The following CACNA2D3 variants were observed in gnomAD, a reference collection of about 807,000 sequenced individuals.
The protein encoded by CACNA2D3 is voltage-dependent calcium channel subunit alpha-2/delta-3.
A neutral mutation model predicts 160.6 loss-of-function variants in CACNA2D3; 60 were observed. The observed-to-expected ratio is 0.37, with a 90% CI of 0.30 to 0.46. CACNA2D3 has a LOEUF of 0.46. Among genes scored for constraint, CACNA2D3 ranks in the 20% least tolerant of loss-of-function variants. The probability of loss-of-function intolerance (pLI) is 1.00; values close to 1 mark genes in which losing one functional copy is unlikely to be tolerated. For missense variants in CACNA2D3, 1,205 were observed against 1,365.0 expected (o/e 0.88, Z 1.85); for synonymous variants, 558 against 492.9 (o/e 1.13, Z -1.75).
chr3:54,821,780 A>G (rs1703609706), intron 14 of CACNA2D3, among the ~76,000 whole-genome samples: 1 of 148,238 alleles, frequency 6.7e-6, no homozygotes, highest in South Asian at 2.1e-4. Context: ...AATTTGTACA[A>G]GTAGAATTTG....
rs151032152 is a variant in CACNA2D3, at chr3:54,484,601, G to A, written c.382-18891G>A. 1.2e-3 allele frequency among the ~76,000 whole-genome samples: 179 copies of A among 152,270 alleles called. 5 individuals are homozygous for A. The East Asian group carries it at 0.031, about 26-fold the overall frequency. On this transcript the variant is annotated intron_variant, in intron 4 of 37. Transcript: ENST00000474759. ...ATCACCGGGGCAACTGGACCACTGCGATATTAAGTGTGAGAACATTCTAAA... is the reference window on the plus strand; with the variant it reads ...ATCACCGGGGCAACTGGACCACTGCAATATTAAGTGTGAGAACATTCTAAA...
chr3:54,513,717 G>A (rs1245561599), intron 5 of CACNA2D3, among the ~76,000 whole-genome samples: 3 of 152,146 alleles, frequency 2.0e-5, no homozygotes, highest in East Asian at 3.9e-4. Flanking sequence ...GTATCACTCT[G>A]TCACCCAGGC....
At chr3:54,824,406 G>A (rs1013304108) in intron 14 of CACNA2D3, among the ~76,000 whole-genome samples, 2 of 152,166 alleles carry the variant, frequency 1.3e-5, no homozygotes, top group Non-Finnish European at 2.9e-5. Flanking sequence ...GACTACCTTG[G>A]CTTAAAAATG....
At chr3:54,663,631 G>GC in intron 11 of CACNA2D3, among the ~76,000 whole-genome samples, 1 of 152,348 alleles carries the variant, frequency 6.6e-6, no homozygotes, top group Non-Finnish European at 1.5e-5. Context: ...TATGATTTAT[G>GC]CCCCCTGTGA....
At chr3:54,804,753 T>C (rs555079057) in intron 13 of CACNA2D3, among the ~76,000 whole-genome samples, 2 of 152,334 alleles carry the variant, frequency 1.3e-5, no homozygotes, top group East Asian at 3.9e-4. Context: ...CATACATTTT[T>C]TGCAGCACCA....
intron 2 of CACNA2D3, among the ~76,000 whole-genome samples, chr3:54,279,064 C>T (rs1220176116): frequency 1.3e-5 from 2 of 152,148 alleles, no homozygotes; most frequent in African/African-American, 4.8e-5. Context: ...ACGGATCCTG[C>T]GACGATACCT....
At chr3:54,966,188 G>T (rs942347681) in intron 27 of CACNA2D3, among the ~76,000 whole-genome samples, 3 of 152,074 alleles carry the variant, frequency 2.0e-5, no homozygotes, top group African/African-American at 7.2e-5. Flanking sequence ...GAGATGACAG[G>T]TGGGCCCAGG....
intron 2 of CACNA2D3, among the ~76,000 whole-genome samples, chr3:54,213,364 A>G (rs1212583691): frequency 6.6e-6 from 1 of 152,068 alleles, no homozygotes; most frequent in African/African-American, 2.4e-5. Flanking sequence ...GTGGCTATTC[A>G]CCAGTATGGC....
At chr3:54,827,858 G>A (rs1004900813) in intron 14 of CACNA2D3, among the ~76,000 whole-genome samples, 7 of 152,164 alleles carry the variant, frequency 4.6e-5, no homozygotes, top group African/African-American at 1.4e-4. Flanking sequence ...TGTGTACCAG[G>A]CTCTGTGCTA....
At chr3:54,176,583 T>C (rs887041598) in intron 2 of CACNA2D3, among the ~76,000 whole-genome samples, 1 of 152,224 alleles carries the variant, frequency 6.6e-6, no homozygotes, top group Non-Finnish European at 1.5e-5. Flanking sequence ...AGCCTTAAAA[T>C]CTGTTTCCCA....
intron 11 of CACNA2D3, among the ~76,000 whole-genome samples, chr3:54,699,897 T>G (rs958519158): frequency 6.6e-6 from 1 of 152,212 alleles, no homozygotes; most frequent in African/African-American, 2.4e-5. Context: ...ATATTCTTAC[T>G]AAATGAATAA....
chr3:54,345,984 G>A (rs1284027250), intron 3 of CACNA2D3, among the ~76,000 whole-genome samples: 2 of 152,130 alleles, frequency 1.3e-5, no homozygotes, highest in African/African-American at 4.8e-5. Flanking sequence ...TTTATAGGAT[G>A]CTGCCCCTGA....
chr3:54,985,697 A>T (rs1418451726), intron 30 of CACNA2D3, among the ~76,000 whole-genome samples: 4 of 152,220 alleles, frequency 2.6e-5, no homozygotes, highest in Admixed American at 6.5e-5. Context: ...CAGCAGTATG[A>T]TAGGTTCACT....
chr3:54,963,370 G>C (rs1042941302), intron 27 of CACNA2D3, among the ~76,000 whole-genome samples: 12 of 152,070 alleles, frequency 7.9e-5, no homozygotes, highest in Admixed American at 1.3e-4. Context: ...GGGATCACTG[G>C]TCATCGTCCA....
At chr3:54,568,838 A>G (rs1055720809) in intron 6 of CACNA2D3, among the ~76,000 whole-genome samples, 7 of 152,170 alleles carry the variant, frequency 4.6e-5, no homozygotes, top group Non-Finnish European at 1.0e-4. Context: ...CTGTGTGATA[A>G]TTTGGGGATG....
intron 27 of CACNA2D3, among the ~76,000 whole-genome samples, chr3:54,956,863 G>A (rs922927132): frequency 2.0e-5 from 3 of 151,836 alleles, no homozygotes; most frequent in South Asian, 2.1e-4. Flanking sequence ...AAAGAACACC[G>A]AGAGCACACT....
intron 2 of CACNA2D3, among the ~76,000 whole-genome samples, chr3:54,315,676 A>G (rs976895172): frequency 6.6e-6 from 1 of 152,094 alleles, no homozygotes; most frequent in African/African-American, 2.4e-5. Flanking sequence ...CACCTGCAAC[A>G]TGGGGGTTTG....
Position 54,140,392 on chromosome 3 carries a change from C to T in CACNA2D3, c.204+16798C>T, listed in dbSNP as rs115765657. ...AGTGCTCAGCAAAATACCAGGCGTT[C>T]TGAAGACCACTGCTCTCCCTGGGCT... On this transcript the variant is annotated intron_variant, in intron 2 of 37. Coordinates refer to ENST00000474759, the MANE Select transcript of CACNA2D3 (RefSeq NM_018398.3). 3.8e-3 allele frequency among the ~76,000 whole-genome samples: 586 copies of T among 152,340 alleles called. 6 individuals are homozygous for T. The highest frequency in any genetic ancestry group is 0.013 in the African/African-American group (560 of 41,574).
chr3:54,549,711 C>T (rs755577877), intron 5 of CACNA2D3, among the ~76,000 whole-genome samples: 12 of 152,316 alleles, frequency 7.9e-5, no homozygotes, highest in Admixed American at 3.3e-4. Flanking sequence ...GTATCCGTGA[C>T]AGCTCCTTAA....
Sources: gnomAD v4.1 joint callset for allele counts (sites outside exome capture counted in the v4.1 genomes callset) on GRCh38, gnomAD v4.1.1 for gene constraint, MANE v1.5 for transcripts, NCBI Gene and HGNC (gene_info 2026-07-23, HGNC 2026-07-21) for gene names.